The following IQGAP1 variants were observed in gnomAD, a reference collection of about 807,000 sequenced individuals.
IQGAP1 encodes the protein ras GTPase-activating-like protein IQGAP1.
Under a neutral mutation model 215.6 loss-of-function variants are expected in IQGAP1, and 66 were observed. The ratio of observed to expected loss-of-function variants is 0.31; its 90% CI spans 0.25 to 0.38. IQGAP1 has a LOEUF of 0.38. IQGAP1 is among the 10% of genes least tolerant of loss of function. IQGAP1 has a pLI of 1.00. For missense variants in IQGAP1, 1,712 were observed against 1,997.1 expected (o/e 0.86, Z 2.72); for synonymous variants, 772 against 728.7 (o/e 1.06, Z -0.96).
chr15:90,437,287 A>C (rs1009852807), intron 5 of IQGAP1, among the ~76,000 whole-genome samples: 4 of 152,204 alleles, frequency 2.6e-5, no homozygotes, highest in Admixed American at 1.3e-4. Context: ...ACCTCTCACC[A>C]GGCCCCCACC....
At chr15:90,396,573 G>A (rs754728359) in intron 2 of IQGAP1, among the ~76,000 whole-genome samples, 1 of 152,068 alleles carries the variant, frequency 6.6e-6, no homozygotes, top group African/African-American at 2.4e-5. Flanking sequence ...TAATTACCAA[G>A]GGGAAGTATG....
At chr15:90,466,518 C>A in intron 17 of IQGAP1, 82 bp downstream of exon 17, 2 of 1,364,964 alleles carry the variant, frequency 1.5e-6, no homozygotes, top group Non-Finnish European at 2.1e-6. Flanking sequence ...AAGGGATAAG[C>A]TATAGGGAAA....
chr15:90,447,591 A>T (rs1281176291), intron 9 of IQGAP1, among the ~76,000 whole-genome samples: 1 of 152,186 alleles, frequency 6.6e-6, no homozygotes, highest in Non-Finnish European at 1.5e-5. Context: ...TGGTAGGGAC[A>T]GGCATTTTCT....
Position 90,407,253 on chromosome 15 carries a change from T to C in IQGAP1, c.155+16380T>C, listed in dbSNP as rs77488554. On this transcript the variant is annotated intron_variant, in intron 2 of 37. Transcript: ENST00000268182. Reference sequence around the variant, plus strand: ...AGGATGATAAAGGGTCTACCAATTATGATCTATGAAGAATAATTGGGAATA... The same window carrying C: ...AGGATGATAAAGGGTCTACCAATTACGATCTATGAAGAATAATTGGGAATA... Among the ~76,000 whole-genome samples, 6 of 152,194 alleles carry C rather than the reference T, an allele frequency of 3.9e-5. No homozygotes were observed. The South Asian group carries it at 1.2e-3, about 31-fold the overall frequency.
chr15:90,390,311 T>C (rs1351942200), intron 1 of IQGAP1, among the ~76,000 whole-genome samples: 1 of 152,270 alleles, frequency 6.6e-6, no homozygotes, highest in Non-Finnish European at 1.5e-5. Flanking sequence ...CTCAGTTTCT[T>C]CGTCTGTAAA....
chr15:90,474,343 CAG>C (rs896439045), intron 22 of IQGAP1, 140 bp from the exon 23 acceptor site: 7 of 787,346 alleles, frequency 8.9e-6, no homozygotes, highest in Non-Finnish European at 1.5e-5. Flanking sequence ...TAGCCTGACA[CAG>C]AAGACTGCAC....
chr15:90,400,183 G>A (rs574747725), intron 2 of IQGAP1, among the ~76,000 whole-genome samples: 1 of 152,178 alleles, frequency 6.6e-6, no homozygotes, highest in East Asian at 1.9e-4. Flanking sequence ...TTTAGCTTTA[G>A]GAAATTGTCC....
intron 36 of IQGAP1, 97 bp downstream of exon 36, chr15:90,494,932 T>G: frequency 1.3e-6 from 1 of 771,134 alleles, no homozygotes; most frequent in South Asian, 1.7e-5. Flanking sequence ...GGATGGTTAC[T>G]TTTAGTATTT....
At chr15:90,467,683 A>G in intron 18 of IQGAP1, 91 bp downstream of exon 18, 1 of 1,314,476 alleles carries the variant, frequency 7.6e-7, no homozygotes, top group Non-Finnish European at 1.0e-6. Flanking sequence ...TGTGGTCAGA[A>G]GCCCTAGACT....
intron 15 of IQGAP1, among the ~76,000 whole-genome samples, chr15:90,459,228 A>G (rs1012074556): frequency 2.6e-5 from 4 of 152,218 alleles, no homozygotes; most frequent in Admixed American, 1.3e-4. Flanking sequence ...TGCTTTAATC[A>G]ACAATTATTT....
chr15:90,425,377 G>C (rs1002962423), intron 2 of IQGAP1, among the ~76,000 whole-genome samples: 1 of 152,092 alleles, frequency 6.6e-6, no homozygotes, highest in African/African-American at 2.4e-5. Context: ...CTATGTTTCC[G>C]TTGGTAGAAA....
intron 3 of IQGAP1, 69 bp from the exon 4 acceptor site, chr15:90,429,520 G>T: frequency 8.3e-7 from 1 of 1,203,708 alleles, no homozygotes; most frequent in South Asian, 1.5e-5. Context: ...AAACTTTTGC[G>T]AAGAGAGTTT....
At chr15:90,419,128 T>A (rs1965095899) in intron 2 of IQGAP1, among the ~76,000 whole-genome samples, 1 of 140,886 alleles carries the variant, frequency 7.1e-6, no homozygotes. Flanking sequence ...ACATAGACTC[T>A]GTCTCAAAAA....
chr15:90,461,496 A>C (rs1308961640), intron 15 of IQGAP1, among the ~76,000 whole-genome samples: 1 of 152,234 alleles, frequency 6.6e-6, no homozygotes, highest in African/African-American at 2.4e-5. Flanking sequence ...GTCTGAATGC[A>C]AGACATGGAT....
At chr15:90,466,603 T>TCCCC (rs372502355) in intron 17 of IQGAP1, among the ~76,000 whole-genome samples, 167 bp downstream of exon 17, 1 of 143,334 alleles carries the variant, frequency 7.0e-6, no homozygotes, top group African/African-American at 2.6e-5. Context: ...AAAATATCCT[T>TCCCC]CCCCCCCCCC....
chr15:90,389,149 C>T (rs555168272), intron 1 of IQGAP1, among the ~76,000 whole-genome samples: 10 of 152,140 alleles, frequency 6.6e-5, no homozygotes, highest in African/African-American at 1.9e-4. Context: ...AGGTATTGTG[C>T]CACGTTTGTG....
intron 5 of IQGAP1, among the ~76,000 whole-genome samples, chr15:90,434,535 T>C (rs1313452707): frequency 3.3e-5 from 5 of 152,102 alleles, no homozygotes; most frequent in Non-Finnish European, 5.9e-5. Context: ...TTTCCCATAA[T>C]GTCATGGTAA....
At chr15:90,436,459 G>A (rs1965372537) in intron 5 of IQGAP1, among the ~76,000 whole-genome samples, 1 of 152,210 alleles carries the variant, frequency 6.6e-6, no homozygotes, top group Non-Finnish European at 1.5e-5. Flanking sequence ...CACCTGCTGT[G>A]TTTCAGGGTC....
chr15:90,414,972 A>G (rs1244736816), intron 2 of IQGAP1, among the ~76,000 whole-genome samples: 11 of 152,216 alleles, frequency 7.2e-5, no homozygotes, highest in Admixed American at 7.2e-4. Flanking sequence ...AAAAATAAGA[A>G]AAAAACCTTC....
Sources: gnomAD v4.1 joint callset for allele counts (sites outside exome capture counted in the v4.1 genomes callset) on GRCh38, gnomAD v4.1.1 for gene constraint, MANE v1.5 for transcripts, NCBI Gene and HGNC (gene_info 2026-07-23, HGNC 2026-07-21) for gene names.